Variants in SNX3 observed in about 807,000 individuals in gnomAD.
The protein encoded by SNX3 is sorting nexin-3.
Under a neutral mutation model 17.7 loss-of-function variants are expected in SNX3, and 5 were observed. The ratio of observed to expected loss-of-function variants is 0.28; its 90% confidence interval spans 0.15 to 0.59. SNX3 has a LOEUF of 0.59. Ranked by LOEUF, SNX3 falls within the 20% of genes least tolerant of loss-of-function variation. The probability of loss-of-function intolerance (pLI) is 0.88; values close to 1 mark genes in which losing one functional copy is unlikely to be tolerated. For missense variants in SNX3, 132 were observed against 206.8 expected (o/e 0.64, Z 2.22); for synonymous variants, 91 against 76.5 (o/e 1.19, Z -0.99).
At chr6:108,229,343 T>C (rs117723523) in intron 1 of SNX3, among the ~76,000 whole-genome samples, 119 of 151,586 alleles carry the variant, frequency 7.9e-4, no homozygotes, top group Non-Finnish European at 1.4e-3. Flanking sequence ...CACGGAAGAA[T>C]TGACAATTGA....
At chr6:108,242,253 G>A (rs183210572) in intron 1 of SNX3, among the ~76,000 whole-genome samples, 168 of 152,212 alleles carry the variant, frequency 1.1e-3, no homozygotes, top group Middle Eastern at 3.4e-3. Context: ...ATGAGAGAAA[G>A]AAACAATAAA....
At chr6:108,255,493 C>T (rs1343429751) in intron 1 of SNX3, among the ~76,000 whole-genome samples, 1 of 151,992 alleles carries the variant, frequency 6.6e-6, no homozygotes, top group African/African-American at 2.4e-5. Flanking sequence ...GCTGGGACTA[C>T]AGGCACACGC....
In SNX3 at chr6:108,215,327, C is replaced by A. The variant is rs189712504; in HGVS notation, c.259-705G>T. On this transcript the variant is annotated intron_variant, in intron 2 of 3. Coordinates refer to ENST00000230085, the MANE Select transcript of SNX3 (RefSeq NM_003795.6). The stretch of plus-strand genomic sequence containing the variant: ...ATCACGCCACTGCACTCCAGCTGGG[C>A]TACAGAGTGAGACTCCGTCTAGAAA... Among the ~76,000 whole-genome samples the A allele has an allele frequency of 1.9e-3, 278 of 147,444 alleles. 2 individuals are homozygous for A. Among genetic ancestry groups the A allele is most frequent in the African/African-American group, 6.8e-3 (268 of 39,380 alleles).
chr6:108,254,213 G>A (rs990799663), intron 1 of SNX3, among the ~76,000 whole-genome samples: 1 of 151,834 alleles, frequency 6.6e-6, no homozygotes, highest in African/African-American at 2.4e-5. Context: ...CTCCTCAGGT[G>A]ATATGAATTT....
intron 1 of SNX3, among the ~76,000 whole-genome samples, chr6:108,232,169 C>T (rs1046250700): frequency 9.9e-5 from 15 of 152,018 alleles, no homozygotes; most frequent in Admixed American, 3.3e-4. Flanking sequence ...TCTATTTGTT[C>T]TAATATACCA....
At chr6:108,252,788 C>T (rs1256463310) in intron 1 of SNX3, among the ~76,000 whole-genome samples, 1 of 151,978 alleles carries the variant, frequency 6.6e-6, no homozygotes, top group Non-Finnish European at 1.5e-5. Flanking sequence ...TATAGGCATG[C>T]ACCACCACAC....
chr6:108,214,766 A>G (rs1335360928), intron 2 of SNX3, 144 bp from the exon 3 acceptor site: 7 of 819,258 alleles, frequency 8.5e-6, no homozygotes, highest in Non-Finnish European at 1.3e-5. Context: ...CAAAAAATAC[A>G]CTGAAAAAAG....
At chr6:108,245,642 G>A (rs2114754376) in intron 1 of SNX3, among the ~76,000 whole-genome samples, 1 of 152,290 alleles carries the variant, frequency 6.6e-6, no homozygotes, top group Middle Eastern at 3.4e-3. Flanking sequence ...TTTAACGACT[G>A]CCATTCTAAC....
At chr6:108,232,713 G>A (rs770855350) in intron 1 of SNX3, among the ~76,000 whole-genome samples, 1 of 152,222 alleles carries the variant, frequency 6.6e-6, no homozygotes, top group Admixed American at 6.5e-5. Context: ...CCTAAGAGAT[G>A]TAAATGGATG....
At chr6:108,246,935 T>C (rs993529220) in intron 1 of SNX3, among the ~76,000 whole-genome samples, 12 of 152,178 alleles carry the variant, frequency 7.9e-5, no homozygotes, top group African/African-American at 1.9e-4. Flanking sequence ...GCAGGTAGAC[T>C]TTCTTAGCTA....
intron 2 of SNX3, among the ~76,000 whole-genome samples, chr6:108,215,114 C>A (rs1290134713): frequency 6.6e-6 from 1 of 152,148 alleles, no homozygotes; most frequent in African/African-American, 2.4e-5. Flanking sequence ...CTTTGGGAGG[C>A]CGAGGCGGGC....
intron 2 of SNX3, among the ~76,000 whole-genome samples, chr6:108,217,306 C>G (rs1322556705): frequency 6.6e-6 from 1 of 152,022 alleles, no homozygotes; most frequent in Non-Finnish European, 1.5e-5. Flanking sequence ...GAGATACACT[C>G]TTCCTAACAT....
intron 1 of SNX3, among the ~76,000 whole-genome samples, chr6:108,253,144 G>A (rs1775916274): frequency 6.6e-6 from 1 of 152,164 alleles, no homozygotes; most frequent in African/African-American, 2.4e-5. Context: ...AGCAGGAGAG[G>A]AAAATGTCTA....
chr6:108,260,905 G>A lies in SNX3; in HGVS notation c.17C>T (p.Ala6Val), dbSNP rs1562446207. Residue 6 changes from alanine to valine, a missense_variant, in exon 1 of 4, where the codon GCT (alanine) becomes GTT (valine). Ala to Val is a moderately conservative substitution (Grantham distance 64). Coordinates refer to ENST00000230085, the MANE Select transcript of SNX3 (RefSeq NM_003795.6). ...CTTGGTGATCAGCCGCCGGGTGTCA[G>A]CCACGGTCTCCGCCATTTCGCTGTA... MAETVADTRRLITKPQ... is the reference protein window; with the variant it reads MAETVVDTRRLITKPQ... The A allele has an allele frequency of 1.2e-6, 2 of 1,606,074 alleles. No individual in the cohort carries two copies. The highest frequency in any genetic ancestry group is 2.3e-5 in the East Asian group (1 of 43,754).
intron 2 of SNX3, among the ~76,000 whole-genome samples, chr6:108,220,885 G>C (rs1774744469): frequency 6.6e-6 from 1 of 151,976 alleles, no homozygotes; most frequent in South Asian, 2.1e-4. Flanking sequence ...GGAGGCTGAG[G>C]CAGGAGAATT....
At chr6:108,254,780 A>G (rs1439442810) in intron 1 of SNX3, among the ~76,000 whole-genome samples, 1 of 152,210 alleles carries the variant, frequency 6.6e-6, no homozygotes, top group East Asian at 1.9e-4. Context: ...AATCTTTAAA[A>G]AGGGGACATT....
intron 1 of SNX3, among the ~76,000 whole-genome samples, chr6:108,248,372 A>G (rs1775754003): frequency 6.6e-6 from 1 of 152,246 alleles, no homozygotes; most frequent in Non-Finnish European, 1.5e-5. Context: ...TTCTGGGGAA[A>G]ACTTATCAGA....
At chr6:108,254,616 T>G (rs1307148118) in intron 1 of SNX3, among the ~76,000 whole-genome samples, 3 of 152,120 alleles carry the variant, frequency 2.0e-5, no homozygotes, top group Admixed American at 6.5e-5. Flanking sequence ...GGATATTGAG[T>G]AAGGGTGATT....
In SNX3 at chr6:108,231,239, C is replaced by T. The variant is rs566916883; in HGVS notation, c.163-8194G>A. ...TAGCTGGGATTACAGGCACGCGCCA[C>T]CACGCCCGGCTAATTTTTTGTATCT... On this transcript the variant is annotated intron_variant, in intron 1 of 3. Coordinates refer to ENST00000230085, the MANE Select transcript of SNX3 (RefSeq NM_003795.6). 2.0e-5 allele frequency among the ~76,000 whole-genome samples: 3 copies of T among 152,260 alleles called. No individual in the cohort carries two copies. The East Asian group carries it at 5.8e-4, about 29-fold the overall frequency.
Sources: allele counts gnomAD v4.1 joint callset (sites outside exome capture counted in the v4.1 genomes callset), GRCh38; gene constraint gnomAD v4.1.1; transcripts MANE v1.5; gene names NCBI Gene and HGNC (gene_info 2026-07-23, HGNC 2026-07-21).